The following ROBO1 variants were observed in gnomAD, a reference collection of about 807,000 sequenced individuals.
ROBO1 encodes the protein roundabout homolog 1.
In ROBO1, 149 loss-of-function variants were observed where a neutral mutation model predicts 195.9. The ratio of observed to expected loss-of-function variants is 0.76; its 90% CI spans 0.67 to 0.87. ROBO1 has a LOEUF of 0.87. Ranked by LOEUF, ROBO1 falls within the 40% of genes least tolerant of loss-of-function variation. ROBO1 has a pLI of 0.00. For missense variants in ROBO1, 1,933 were observed against 2,068.3 expected (o/e 0.93, Z 1.27); for synonymous variants, 816 against 733.2 (o/e 1.11, Z -1.82).
chr3:79,302,067 A>G (rs1247681239), intron 2 of ROBO1, among the ~76,000 whole-genome samples: 1 of 152,174 alleles, frequency 6.6e-6, no homozygotes, highest in Non-Finnish European at 1.5e-5. Context: ...GATACACCAC[A>G]TAGGGTGTAT....
chr3:79,123,473 T>G (rs1361279010), intron 3 of ROBO1, among the ~76,000 whole-genome samples: 1 of 152,072 alleles, frequency 6.6e-6, no homozygotes, highest in Non-Finnish European at 1.5e-5. Flanking sequence ...TTTTCTACTT[T>G]ATTGTTCTTA....
At chr3:79,383,644 C>T (rs546759171) in intron 2 of ROBO1, among the ~76,000 whole-genome samples, 3 of 152,108 alleles carry the variant, frequency 2.0e-5, no homozygotes, top group South Asian at 2.1e-4. Flanking sequence ...CAGAAAGTAA[C>T]GTTTTTTACT....
chr3:79,348,965 C>T (rs1457834682), intron 2 of ROBO1, among the ~76,000 whole-genome samples: 1 of 152,022 alleles, frequency 6.6e-6, no homozygotes, highest in African/African-American at 2.4e-5. Context: ...ATTAACAATC[C>T]ACTGCTTTAA....
chr3:79,270,179 T>TTCTCTCTCTCTCTCTCTCTCTC (rs138141200), intron 2 of ROBO1, among the ~76,000 whole-genome samples: 3 of 140,702 alleles, frequency 2.1e-5, no homozygotes, highest in Admixed American at 7.1e-5. Context: ...ATACATAATG[T>TTCTCTCTCTCTCTCTCTCTCTC]TCTCTCTCTC....
intron 29 of ROBO1, among the ~76,000 whole-genome samples, chr3:78,604,078 A>AT (rs1703330078): frequency 1.3e-5 from 2 of 151,644 alleles, no homozygotes; most frequent in East Asian, 3.9e-4. Flanking sequence ...TTATTTATTT[A>AT]TTATTTTCCA....
rs996631520 is a variant in ROBO1 at position 79,177,544 on chromosome 3, A to G, written c.89-52005T>C. Among the ~76,000 whole-genome samples, 9 of 152,232 alleles carry G rather than the reference A, an allele frequency of 5.9e-5. 1 individual carries two copies. Among genetic ancestry groups the G allele is most frequent in the African/African-American group, 2.2e-4 (9 of 41,466 alleles). ...CACTCCTCCCCCACTTTAAAAGGCTACAGAGAATGATTTCCTCTCATGGAC... is the reference window on the plus strand; with the variant it reads ...CACTCCTCCCCCACTTTAAAAGGCTGCAGAGAATGATTTCCTCTCATGGAC... On this transcript the variant is annotated intron_variant, in intron 2 of 30. Coordinates refer to ENST00000464233, the MANE Select transcript of ROBO1 (RefSeq NM_002941.4).
intron 3 of ROBO1, among the ~76,000 whole-genome samples, chr3:78,996,327 CA>C (rs1425161509): frequency 8.0e-4 from 9 of 11,212 alleles, no homozygotes; most frequent in African/African-American, 1.5e-3. Context: ...ATTAAAAAAA[CA>C]AAAAAAAAAA....
At chr3:79,546,956 C>A (rs961393451) in intron 2 of ROBO1, among the ~76,000 whole-genome samples, 2 of 151,638 alleles carry the variant, frequency 1.3e-5, no homozygotes, top group Non-Finnish European at 2.9e-5. Context: ...CCGAGGCGGG[C>A]GGATCACGAG....
In ROBO1 at chr3:79,186,597, C is replaced by A. The variant is rs542472413; in HGVS notation, c.89-61058G>T. Among the ~76,000 whole-genome samples the A allele has an allele frequency of 8.5e-5, 13 of 152,114 alleles. No individual in the cohort carries two copies. In the East Asian group the frequency reaches 2.3e-3, roughly 27 times the overall value. ...CATTCACCACATATTCTGCTGACTG[C>A]CTTTTGACACGTTATAGGATTAGAC... On this transcript the variant is annotated intron_variant, in intron 2 of 30. Coordinates refer to ENST00000464233, the MANE Select transcript of ROBO1 (RefSeq NM_002941.4).
At chr3:78,660,005 C>T (rs999266378) in intron 16 of ROBO1, 198 bp from the exon 17 acceptor site, 2 of 346,042 alleles carry the variant, frequency 5.8e-6, no homozygotes, top group African/African-American at 4.4e-5. Context: ...ACTGCAACCT[C>T]CCCCTCCCGG....
intron 2 of ROBO1, among the ~76,000 whole-genome samples, chr3:79,207,752 G>A (rs2081895948): frequency 6.7e-6 from 1 of 148,238 alleles, no homozygotes. Flanking sequence ...TACATGGAGA[G>A]TCATATAAGA....
intron 3 of ROBO1, among the ~76,000 whole-genome samples, chr3:78,971,359 A>C (rs193082816): frequency 8.7e-4 from 132 of 152,224 alleles, no homozygotes; most frequent in African/African-American, 3.0e-3. Context: ...ACTGCACTGC[A>C]CTCCAGCCTG....
At chr3:79,738,199 C>A (rs1351197784) in intron 1 of ROBO1, among the ~76,000 whole-genome samples, 1 of 151,922 alleles carries the variant, frequency 6.6e-6, no homozygotes, top group Non-Finnish European at 1.5e-5. Flanking sequence ...TTTCACAGTC[C>A]CAGCATCTAC....
At chr3:79,382,664 T>C (rs2036612330) in intron 2 of ROBO1, among the ~76,000 whole-genome samples, 2 of 152,192 alleles carry the variant, frequency 1.3e-5, no homozygotes, top group Admixed American at 1.3e-4. Context: ...ACATTTTCTC[T>C]TAGACATTTG....
chr3:78,989,982 A>C (rs1047911689), intron 3 of ROBO1, among the ~76,000 whole-genome samples: 15 of 152,198 alleles, frequency 9.9e-5, no homozygotes, highest in Non-Finnish European at 2.1e-4. Context: ...GCGTATAAAA[A>C]CAAAATATTT....
chr3:78,951,172 A>G (rs1346882987), intron 3 of ROBO1, among the ~76,000 whole-genome samples: 7 of 152,014 alleles, frequency 4.6e-5, no homozygotes, highest in Admixed American at 1.3e-4. Flanking sequence ...TAAATCTCAT[A>G]AGAGTACGGA....
At chr3:79,194,670 C>T (rs1424105838) in intron 2 of ROBO1, among the ~76,000 whole-genome samples, 2 of 151,662 alleles carry the variant, frequency 1.3e-5, no homozygotes, top group Non-Finnish European at 3.0e-5. Context: ...ATGGCATTCA[C>T]ATTTAATTAT....
chr3:79,073,097 A>T (rs887106362), intron 3 of ROBO1, among the ~76,000 whole-genome samples: 1 of 151,996 alleles, frequency 6.6e-6, no homozygotes, highest in Non-Finnish European at 1.5e-5. Context: ...AAAGGCATGG[A>T]GCCAATTGCA....
chr3:79,471,896 G>A (rs1938297172), intron 2 of ROBO1, among the ~76,000 whole-genome samples: 1 of 151,656 alleles, frequency 6.6e-6, no homozygotes, highest in African/African-American at 2.4e-5. Flanking sequence ...GAGAACATAT[G>A]GACATATGGA....
Sources: allele counts gnomAD v4.1 joint callset (sites outside exome capture counted in the v4.1 genomes callset), GRCh38; gene constraint gnomAD v4.1.1; transcripts MANE v1.5; gene names NCBI Gene and HGNC (gene_info 2026-07-23, HGNC 2026-07-21).